IMMT: variants seen among roughly 807,000 people sequenced by gnomAD.
The protein encoded by IMMT is inner membrane mitochondrial protein, also known as MICOS complex subunit MIC60.
A neutral mutation model predicts 92.7 loss-of-function variants in IMMT; 40 were observed. The ratio of observed to expected loss-of-function variants is 0.43; its 90% confidence interval spans 0.34 to 0.56. The LOEUF (loss-of-function observed/expected upper bound fraction) is 0.56. IMMT is among the 20% of genes least tolerant of loss of function. IMMT has a pLI of 0.03. For missense variants in IMMT, 831 were observed against 912.1 expected (o/e 0.91, Z 1.14); for synonymous variants, 322 against 336.1 (o/e 0.96, Z 0.46).
intron 1 of IMMT, among the ~76,000 whole-genome samples, chr2:86,192,809 C>G (rs12996308): frequency 0.46 from 69,779 of 151,678 alleles, 16,595 homozygotes; most frequent in Non-Finnish European, 0.51. Flanking sequence ...TTAAGCAAAC[C>G]TGTGAGAAGA....
chr2:86,144,156 T>C lies in IMMT; in HGVS notation c.*112A>G, dbSNP rs113425155. 4.2e-6 allele frequency: 5 copies of C among 1,189,916 alleles called. No individual in the cohort carries two copies. The highest frequency in any genetic ancestry group is 5.9e-6 in the Non-Finnish European group (5 of 848,934). The allele number at this position is 1,189,916 out of a possible 1,614,324, so 73.7% of individuals were successfully genotyped here. A position where few individuals can be genotyped will look rare whatever the true frequency, so the allele number is the denominator to read the frequency against. ...AGGTGTTAACATTTAGAACAGTACT[T>C]GTAAACCTGCTCATTTCTAGACAAG... On this transcript the variant is annotated 3_prime_UTR_variant, in exon 15 of 15. Transcript: ENST00000410111.
intron 4 of IMMT, among the ~76,000 whole-genome samples, chr2:86,172,334 G>C (rs1010613231): frequency 2.0e-5 from 3 of 151,332 alleles, no homozygotes; most frequent in African/African-American, 7.3e-5. Flanking sequence ...ATCCCACCCA[G>C]CATATGAAAC....
intron 13 of IMMT, 102 bp from the exon 14 acceptor site, chr2:86,146,299 T>G: frequency 2.2e-6 from 2 of 908,064 alleles, no homozygotes; most frequent in Non-Finnish European, 3.2e-6. Context: ...AAGAGGGCCT[T>G]AGAGTTGTCA....
intron 13 of IMMT, 129 bp downstream of exon 13, chr2:86,147,570 AAAG>A (rs959178672): frequency 1.3e-6 from 1 of 775,910 alleles, no homozygotes; most frequent in African/African-American, 1.8e-5. Flanking sequence ...CATTATGTAA[AAAG>A]AAGCAGTTTT....
At chr2:86,158,328 G>A in intron 10 of IMMT, 1 of 213,990 alleles carries the variant, frequency 4.7e-6, no homozygotes. Flanking sequence ...TTTTTTTTTT[G>A]AGTAGCAAAT....
At chr2:86,166,856 T>C (rs1676711278) in intron 6 of IMMT, among the ~76,000 whole-genome samples, 1 of 151,926 alleles carries the variant, frequency 6.6e-6, no homozygotes, top group South Asian at 2.1e-4. Context: ...TCCCAGCACT[T>C]TGGGAGGCCG....
chr2:86,177,101 T>C (rs1677480139), intron 3 of IMMT, among the ~76,000 whole-genome samples: 1 of 152,190 alleles, frequency 6.6e-6, no homozygotes, highest in Admixed American at 6.5e-5. Context: ...CGTTAACTTT[T>C]GCTATAGGAT....
chr2:86,166,045 T>C (rs1676650233), intron 7 of IMMT, among the ~76,000 whole-genome samples: 1 of 152,196 alleles, frequency 6.6e-6, no homozygotes. Context: ...ACATAATTAC[T>C]CTAAGGCCAA....
intron 7 of IMMT, among the ~76,000 whole-genome samples, chr2:86,163,265 T>G (rs1382965660): frequency 6.6e-6 from 1 of 152,070 alleles, no homozygotes; most frequent in African/African-American, 2.4e-5. Flanking sequence ...CACAGTGAGC[T>G]GTAATCACAC....
rs913757264 is a variant in IMMT at position 86,172,937 on chromosome 2, T to C, written c.421+713A>G. Among the ~76,000 whole-genome samples the C allele has an allele frequency of 9.2e-5, 14 of 152,278 alleles. No individual in the cohort carries two copies. In the South Asian group the frequency reaches 2.7e-3, roughly 29 times the overall value. On this transcript the variant is annotated intron_variant, in intron 4 of 14. Coordinates refer to ENST00000410111, the MANE Select transcript of IMMT (RefSeq NM_006839.3). ...GTATTCCCTCCCACAATGTCTGACA[T>C]CCTATACGTTTTACTTGTTTATTTC...
chr2:86,158,751 A>G, intron 9 of IMMT, 30 bp from the exon 10 acceptor site: 2 of 1,558,168 alleles, frequency 1.3e-6, no homozygotes, highest in Non-Finnish European at 1.8e-6. Flanking sequence ...ATGTGATTAA[A>G]TTGAACAAAA....
chr2:86,171,858 A>ATTTTTT (rs201083595), intron 4 of IMMT, among the ~76,000 whole-genome samples: 2 of 119,198 alleles, frequency 1.7e-5, no homozygotes, highest in African/African-American at 5.7e-5. Flanking sequence ...ATATATATAT[A>ATTTTTT]TATATTTTTT....
At chr2:86,153,492 C>G in intron 11 of IMMT, 68 bp downstream of exon 11, 1 of 842,996 alleles carries the variant, frequency 1.2e-6, no homozygotes, top group Non-Finnish European at 1.8e-6. Context: ...ATAGGCACAA[C>G]AAAAAGACTT....
rs1479791800 is a variant in IMMT, at chr2:86,144,574, C to T, written c.1971G>A (p.Gln657=). 1.2e-6 allele frequency: 2 copies of T among 1,613,864 alleles called. No individual in the cohort carries two copies. Among genetic ancestry groups the T allele is most frequent in the African/African-American group, 2.7e-5 (2 of 74,930 alleles). The change falls in exon 15 of 15, where the codon CAG becomes CAA. Residue 657 remains glutamine (Q), a synonymous_variant. Coordinates refer to ENST00000410111, the MANE Select transcript of IMMT (RefSeq NM_006839.3). The part of the protein sequence containing the change: ...MIDETRNSLY[Q]YFLSYLQSLL... ...GGGACTGTAGGTAGGAGAGGAAGTA[C>T]TGGTACAAGCTATTTCTGGTTTCAT...
chr2:86,167,718 G>A (rs1034268677), intron 6 of IMMT, among the ~76,000 whole-genome samples: 1 of 144,400 alleles, frequency 6.9e-6, no homozygotes. Flanking sequence ...TCCTGACCTC[G>A]TGATCCATCC....
At chr2:86,154,021 C>G (rs1375520872) in intron 10 of IMMT, among the ~76,000 whole-genome samples, 1 of 152,026 alleles carries the variant, frequency 6.6e-6, no homozygotes, top group African/African-American at 2.4e-5. Flanking sequence ...TGCCACCATA[C>G]CCGGCTAATT....
intron 6 of IMMT, among the ~76,000 whole-genome samples, chr2:86,167,469 G>T (rs1485597946): frequency 1.0e-5 from 1 of 96,448 alleles, no homozygotes; most frequent in African/African-American, 3.7e-5. Context: ...CACCGTGCCC[G>T]GTTTTTTGTT....
chr2:86,154,562 C>T (rs1675716300), intron 10 of IMMT, among the ~76,000 whole-genome samples: 1 of 148,628 alleles, frequency 6.7e-6, no homozygotes, highest in Non-Finnish European at 1.5e-5. Context: ...ACAGTTTTGA[C>T]TCTCTGTTCA....
At chr2:86,156,886 CAACA>C (rs1332389101) in intron 10 of IMMT, among the ~76,000 whole-genome samples, 3 of 152,026 alleles carry the variant, frequency 2.0e-5, no homozygotes, top group African/African-American at 7.3e-5. Context: ...TGCAAAGAGA[CAACA>C]AACAAGCCAA....
Sources: gnomAD v4.1 joint callset for allele counts (sites outside exome capture counted in the v4.1 genomes callset) on GRCh38, gnomAD v4.1.1 for gene constraint, MANE v1.5 for transcripts, NCBI Gene and HGNC (gene_info 2026-07-23, HGNC 2026-07-21) for gene names.